The following GRHL1 variants were observed in gnomAD, a reference collection of about 807,000 sequenced individuals.
The protein encoded by GRHL1 is grainyhead like transcription factor 1, also known as grainyhead-like protein 1 homolog.
Under a neutral mutation model 75.7 loss-of-function variants are expected in GRHL1, and 38 were observed. The observed-to-expected ratio is 0.50, with a 90% confidence interval of 0.39 to 0.66. GRHL1 has a LOEUF of 0.66. Ranked by LOEUF, GRHL1 falls within the 30% of genes least tolerant of loss-of-function variation. The pLI is 0.00. For missense variants in GRHL1, 589 were observed against 767.5 expected (o/e 0.77, Z 2.75); for synonymous variants, 266 against 279.4 (o/e 0.95, Z 0.48).
chr2:9,984,124 T>C (rs988165754), intron 8 of GRHL1, among the ~76,000 whole-genome samples: 1 of 151,814 alleles, frequency 6.6e-6, no homozygotes, highest in African/African-American at 2.4e-5. Context: ...ATTGCGCCAT[T>C]GCACTCCAGC....
chr2:9,969,146 A>G (rs1667607625), intron 8 of GRHL1, among the ~76,000 whole-genome samples: 1 of 152,224 alleles, frequency 6.6e-6, no homozygotes, highest in Admixed American at 6.5e-5. Context: ...AGAGTCTACA[A>G]CAGCATTGAG....
At chr2:9,955,162 A>T in intron 2 of GRHL1, 61 bp downstream of exon 2, 9 of 1,088,686 alleles carry the variant, frequency 8.3e-6, no homozygotes, top group Non-Finnish European at 1.2e-5. Flanking sequence ...ATTCAGCAGC[A>T]TAGAAACAGA....
At chr2:9,997,579 T>C (rs1436701379) in intron 14 of GRHL1, among the ~76,000 whole-genome samples, 1 of 151,982 alleles carries the variant, frequency 6.6e-6, no homozygotes, top group African/African-American at 2.4e-5. Context: ...CCCAGCACTT[T>C]GGGAGGCAGA....
At chr2:9,972,021 A>G (rs1314894515) in intron 8 of GRHL1, among the ~76,000 whole-genome samples, 3 of 152,184 alleles carry the variant, frequency 2.0e-5, no homozygotes, top group South Asian at 2.1e-4. Flanking sequence ...TACATTTGTC[A>G]TCGCGCAGGC....
intron 8 of GRHL1, among the ~76,000 whole-genome samples, chr2:9,985,745 G>A (rs189969157): frequency 1.3e-5 from 2 of 152,278 alleles, no homozygotes; most frequent in East Asian, 3.9e-4. Flanking sequence ...TGGATTCCTA[G>A]GAAGTTTTTA....
At chr2:9,969,907 A>G (rs375611357) in intron 8 of GRHL1, among the ~76,000 whole-genome samples, 19 of 140,630 alleles carry the variant, frequency 1.4e-4, no homozygotes, top group African/African-American at 3.8e-4. Flanking sequence ...CAGTGGCGCT[A>G]TCTTGACTCA....
At chr2:9,969,260 G>T (rs370472737) in intron 8 of GRHL1, among the ~76,000 whole-genome samples, 1 of 152,326 alleles carries the variant, frequency 6.6e-6, no homozygotes, top group East Asian at 1.9e-4. Flanking sequence ...TTGAATGCCT[G>T]TTATATGCTA....
chr2:9,953,295 C>T (rs1350308351), intron 1 of GRHL1, among the ~76,000 whole-genome samples: 1 of 152,238 alleles, frequency 6.6e-6, no homozygotes, highest in Non-Finnish European at 1.5e-5. Flanking sequence ...TCATAGTCTT[C>T]TGGAAGTAGC....
intron 8 of GRHL1, among the ~76,000 whole-genome samples, chr2:9,979,306 C>G (rs1298930533): frequency 6.6e-6 from 1 of 151,128 alleles, no homozygotes; most frequent in Non-Finnish European, 1.5e-5. Context: ...CATGACACAG[C>G]TCACTGCAGC....
chr2:9,995,790 A>G, intron 12 of GRHL1, 89 bp from the exon 13 acceptor site: 1 of 742,488 alleles, frequency 1.3e-6, no homozygotes, highest in Non-Finnish European at 2.4e-6. Context: ...GTCATTTTAA[A>G]TCTAGTTCCA....
chr2:9,959,994 C>T lies in GRHL1; in HGVS notation c.279-1052C>T, dbSNP rs552816708. On this transcript the variant is annotated intron_variant, in intron 3 of 15. Transcript: ENST00000324907. ...TTTGCCTGTTTCTTGAAGCTTCAGC[C>T]TATATGATTTCTGGGGGCTTTGAAA... The T allele has an allele frequency of 5.3e-5, 8 of 152,268 alleles. No homozygotes were observed. In the East Asian group the frequency reaches 1.5e-3, roughly 29 times the overall value. The allele number at this position is 152,268 out of a possible 1,614,324, so 9.4% of individuals were successfully genotyped here.
chr2:9,971,150 G>A (rs1667706527), intron 8 of GRHL1, among the ~76,000 whole-genome samples: 1 of 152,122 alleles, frequency 6.6e-6, no homozygotes, highest in Non-Finnish European at 1.5e-5. Flanking sequence ...AATTCATTAT[G>A]AGAATAATTT....
rs1273792392 is a variant in GRHL1 at position 9,996,397 on chromosome 2, A to G, written c.1673A>G (p.Glu558Gly). ...LKTPSLKGLM[E>G]AISDKYDVPH... is the part of the protein sequence containing the mutation. ...ACCCCATCTTTGAAGGGCTTGATGG[A>G]AGCTGTAAGTAGGATCAACTCTGTA... The change falls in exon 14 of 16, where the codon GAA becomes GGA. Residue 558 changes from glutamate (E) to glycine (G), a missense_variant. Glu to Gly is a moderately conservative substitution (Grantham distance 98). Around this residue, in one of 5 missense-constraint regions of GRHL1, gnomAD observed 192 missense variants for 226.6 expected, o/e 0.85. Coordinates refer to ENST00000324907, the MANE Select transcript of GRHL1 (RefSeq NM_198182.3). The G allele has an allele frequency of 1.3e-6, 2 of 1,594,560 alleles. No homozygotes were observed. The highest frequency in any genetic ancestry group is 1.7e-6 in the Non-Finnish European group (2 of 1,162,168).
intron 4 of GRHL1, among the ~76,000 whole-genome samples, 156 bp downstream of exon 4, chr2:9,961,592 T>C (rs1667276980): frequency 6.6e-6 from 1 of 152,204 alleles, no homozygotes; most frequent in Non-Finnish European, 1.5e-5. Flanking sequence ...ATGGGTATAA[T>C]TTGTAAACTA....
intron 4 of GRHL1, among the ~76,000 whole-genome samples, chr2:9,962,107 T>A (rs887950657): frequency 6.6e-6 from 1 of 152,138 alleles, no homozygotes; most frequent in African/African-American, 2.4e-5. Flanking sequence ...TAACTTGGTA[T>A]AATGATAGGG....
chr2:9,989,823 T>C (rs1668567057), intron 9 of GRHL1, among the ~76,000 whole-genome samples: 3 of 152,134 alleles, frequency 2.0e-5, no homozygotes. Flanking sequence ...ATGCTGGGAT[T>C]ACAAGCGTGA....
chr2:9,961,560 T>C (rs1667275552), intron 4 of GRHL1, 124 bp downstream of exon 4: 1 of 900,584 alleles, frequency 1.1e-6, no homozygotes, highest in Non-Finnish European at 1.6e-6. Flanking sequence ...ATAAAAGATT[T>C]TTTTTTTAAG....
At chr2:9,969,193 C>T (rs1667610459) in intron 8 of GRHL1, among the ~76,000 whole-genome samples, 1 of 152,100 alleles carries the variant, frequency 6.6e-6, no homozygotes, top group Admixed American at 6.5e-5. Flanking sequence ...CCTCTCGAAG[C>T]CTGAAGATCT....
Position 9,990,245 on chromosome 2 carries a change from G to T in GRHL1, c.1270-451G>T, listed in dbSNP as rs1668583509. Among the ~76,000 whole-genome samples, 1 of 151,936 alleles carries T rather than the reference G, an allele frequency of 6.6e-6. No individual in the cohort carries two copies. The highest frequency in any genetic ancestry group is 1.5e-5 in the Non-Finnish European group (1 of 67,968). On this transcript the variant is annotated intron_variant, in intron 9 of 15. Coordinates refer to ENST00000324907, the MANE Select transcript of GRHL1 (RefSeq NM_198182.3). The surrounding 1 kb of genome is among the most constrained non-coding windows in gnomAD (Gnocchi z 4.2). ...CTCACTGCAACCTCCACCTCTCAGGGGTTCAAGCAGTTCTCCTGCCTCAGC... is the reference window on the plus strand; with the variant it reads ...CTCACTGCAACCTCCACCTCTCAGGTGTTCAAGCAGTTCTCCTGCCTCAGC...
Sources: allele counts gnomAD v4.1 joint callset (sites outside exome capture counted in the v4.1 genomes callset), GRCh38; gene constraint gnomAD v4.1.1; regional missense constraint gnomAD v4.1.1; non-coding constraint Gnocchi (gnomAD v3.1); transcripts MANE v1.5; gene names NCBI Gene and HGNC (gene_info 2026-07-23, HGNC 2026-07-21).